The following SANBR variants were observed in gnomAD, a reference collection of about 807,000 sequenced individuals.
SANBR encodes the protein SANT and BTB domain regulator of CSR.
SANBR carries 77 observed loss-of-function variants against 101.8 expected under a neutral mutation model. That is an observed-to-expected ratio of 0.76 (90% CI 0.63 to 0.91). SANBR has a LOEUF of 0.91. Among genes scored for constraint, SANBR ranks in the 40% least tolerant of loss-of-function variants. SANBR has a pLI of 0.00. For synonymous variants in SANBR, 279 were observed against 274.7 expected (o/e 1.02, Z -0.15); for missense variants, 875 against 853.0 (o/e 1.03, Z -0.32).
At chr2:61,096,480 C>T (rs1446770474) in intron 11 of SANBR, among the ~76,000 whole-genome samples, 2 of 152,196 alleles carry the variant, frequency 1.3e-5, no homozygotes, top group Admixed American at 1.3e-4. Context: ...CTCTGTCTAC[C>T]CACCAGCCCC....
intron 20 of SANBR, among the ~76,000 whole-genome samples, chr2:61,130,005 T>C (rs1684637093): frequency 1.3e-5 from 2 of 152,220 alleles, no homozygotes; most frequent in East Asian, 3.9e-4. Context: ...ATAGGAATAA[T>C]ATTTCTATAT....
intron 8 of SANBR, among the ~76,000 whole-genome samples, chr2:61,084,030 C>T (rs1682291421): frequency 6.6e-6 from 1 of 152,258 alleles, no homozygotes; most frequent in Admixed American, 6.5e-5. Flanking sequence ...AAGATACCAG[C>T]CACAACCTGT....
chr2:61,127,179 G>T (rs1162350460), downstream of SANBR, among the ~76,000 whole-genome samples: 1 of 152,150 alleles, frequency 6.6e-6, no homozygotes, highest in Non-Finnish European at 1.5e-5. Flanking sequence ...TGTGTCCCCA[G>T]TGCCTAGAAC....
chr2:61,084,127 T>G (rs1368981716), intron 8 of SANBR, among the ~76,000 whole-genome samples: 1 of 152,098 alleles, frequency 6.6e-6, no homozygotes, highest in African/African-American at 2.4e-5. Context: ...CTGATTTTTG[T>G]ATTTTTTGTA....
chr2:61,116,132 G>A (rs1573661773), intron 17 of SANBR, 62 bp downstream of exon 17: 11 of 1,169,772 alleles, frequency 9.4e-6, no homozygotes, highest in East Asian at 4.8e-5. Context: ...AGTATAGCCA[G>A]AAAAAAATAA....
intron 16 of SANBR, among the ~76,000 whole-genome samples, chr2:61,111,065 G>A (rs1216474433): frequency 6.6e-6 from 1 of 152,104 alleles, no homozygotes; most frequent in Non-Finnish European, 1.5e-5. Flanking sequence ...TGATTCTTGA[G>A]TAGGCATGTT....
chr2:61,136,738 G>C (rs1293356767), intron 21 of SANBR, among the ~76,000 whole-genome samples: 4 of 151,798 alleles, frequency 2.6e-5, no homozygotes, highest in Admixed American at 2.0e-4. Context: ...TTGGGAGGCC[G>C]AGGTGGGTGG....
intron 20 of SANBR, among the ~76,000 whole-genome samples, chr2:61,119,691 C>T (rs1468703863): frequency 6.6e-6 from 1 of 152,180 alleles, no homozygotes; most frequent in East Asian, 1.9e-4. Flanking sequence ...GATACAGTGG[C>T]TCACACCTGT....
Position 61,115,974 on chromosome 2 carries a change from A to G in SANBR, c.1745-5A>G, listed in dbSNP as rs1684062539. 3 of 1,591,500 alleles carry G rather than the reference A, an allele frequency of 1.9e-6. No individual in the cohort carries two copies. Among genetic ancestry groups the G allele is most frequent in the Non-Finnish European group, 1.7e-6 (2 of 1,163,456 alleles). On this transcript the variant is annotated splice_polypyrimidine_tract_variant and splice_region_variant and intron_variant, in intron 16 of 21. Coordinates refer to ENST00000402291, the MANE Select transcript of SANBR (RefSeq NM_001129993.3). ...AAGTTTATAACATTGTCTTCTCATT[A>G]TCAGGGAAAAAGGAGAAGCCAAAGA...
At position 61,065,902 on chromosome 2, in the gene SANBR, G is replaced by A. The variant is rs1681118230; in HGVS notation, c.-272G>A. 1.3e-5 allele frequency: 2 copies of A among 152,118 alleles called. No homozygotes were observed. Among genetic ancestry groups the A allele is most frequent in the Non-Finnish European group, 2.9e-5 (2 of 68,060 alleles). 9.4% of individuals were successfully genotyped at this position (152,118 alleles called of 1,614,324 possible). A position where few individuals can be genotyped will look rare whatever the true frequency, so the allele number is the denominator to read the frequency against. ...CGCAGCCGCCTGCAAGCGGGCGGGG[G>A]CGGGGTGTGAGGCGCTGCGGACGGG... On this transcript the variant is annotated 5_prime_UTR_variant, in exon 1 of 22. Coordinates refer to ENST00000402291, the MANE Select transcript of SANBR (RefSeq NM_001129993.3).
intron 5 of SANBR, among the ~76,000 whole-genome samples, chr2:61,075,506 G>T (rs1365179758): frequency 6.6e-6 from 1 of 152,048 alleles, no homozygotes; most frequent in Non-Finnish European, 1.5e-5. Flanking sequence ...CAATCCTCCT[G>T]CCTTGGCCTC....
intron 6 of SANBR, among the ~76,000 whole-genome samples, chr2:61,078,663 C>T (rs1356294306): frequency 1.3e-5 from 2 of 151,712 alleles, no homozygotes; most frequent in Non-Finnish European, 2.9e-5. Flanking sequence ...CTCAGGTGAT[C>T]TGCCCGCCTC....
chr2:61,081,205 T>C (rs1268680536), intron 6 of SANBR, among the ~76,000 whole-genome samples: 1 of 152,138 alleles, frequency 6.6e-6, no homozygotes, highest in Admixed American at 6.5e-5. Flanking sequence ...ATATGTGATA[T>C]CTTTAGCTGG....
chr2:61,112,886 T>C (rs539604636), intron 16 of SANBR, among the ~76,000 whole-genome samples: 14 of 152,358 alleles, frequency 9.2e-5, no homozygotes, highest in Non-Finnish European at 1.9e-4. Context: ...CATTATTTAA[T>C]AGCTAAGAAG....
chr2:61,123,392 A>G lies in SANBR; in HGVS notation c.*1230A>G, dbSNP rs1242863257. 1 of 984,172 alleles carries G rather than the reference A, an allele frequency of 1.0e-6. No homozygotes were observed. The highest frequency in any genetic ancestry group is 1.2e-6 in the Non-Finnish European group (1 of 828,800). The allele number at this position is 984,172 out of a possible 1,614,324, so 61.0% of individuals were successfully genotyped here. Reference sequence around the variant, plus strand: ...CGTACAGAAATCATTCTTTTTAGTGAGTCTTTTAGTTGATAAATGAAGCTA... The same window carrying G: ...CGTACAGAAATCATTCTTTTTAGTGGGTCTTTTAGTTGATAAATGAAGCTA... On this transcript the variant is annotated 3_prime_UTR_variant, in exon 22 of 22. Transcript: ENST00000402291.
intron 5 of SANBR, among the ~76,000 whole-genome samples, chr2:61,073,897 A>G (rs950687640): frequency 1.3e-5 from 2 of 152,164 alleles, no homozygotes; most frequent in Non-Finnish European, 2.9e-5. Context: ...TGTGTATTTT[A>G]GGACTATTTG....
Position 61,123,309 on chromosome 2 carries a change from A to G in SANBR, c.*1147A>G. The stretch of plus-strand genomic sequence containing the variant: ...AATTATTCAGAGAACAGACTTTAAT[A>G]ATGTGTGACAAAAGAGCAATTTCCA... On this transcript the variant is annotated 3_prime_UTR_variant, in exon 22 of 22. Coordinates refer to ENST00000402291, the MANE Select transcript of SANBR (RefSeq NM_001129993.3). 1.0e-6 allele frequency: 1 copy of G among 979,486 alleles called. No homozygotes were observed. Among genetic ancestry groups the G allele is most frequent in the Non-Finnish European group, 1.2e-6 (1 of 824,428 alleles). The allele number at this position is 979,486 out of a possible 1,614,324, so 60.7% of individuals were successfully genotyped here. A position where few individuals can be genotyped will look rare whatever the true frequency, so the allele number is the denominator to read the frequency against.
chr2:61,088,288 G>A (rs1301701015), intron 9 of SANBR, 43 bp downstream of exon 9: 3 of 1,569,546 alleles, frequency 1.9e-6, no homozygotes, highest in Non-Finnish European at 1.7e-6. Flanking sequence ...TTATAATGCA[G>A]CTATATTCTT....
At chr2:61,099,322 A>C (rs527411981) in intron 12 of SANBR, among the ~76,000 whole-genome samples, 1 of 152,362 alleles carries the variant, frequency 6.6e-6, no homozygotes, top group South Asian at 2.1e-4. Context: ...GAGAGAGCTG[A>C]TGTTAGCTTG....
Sources: gnomAD v4.1 joint callset for allele counts (sites outside exome capture counted in the v4.1 genomes callset) on GRCh38, gnomAD v4.1.1 for gene constraint, MANE v1.5 for transcripts, NCBI Gene and HGNC (gene_info 2026-07-23, HGNC 2026-07-21) for gene names.